The following ANO10 variants were observed in gnomAD, a reference collection of about 807,000 sequenced individuals.
ANO10 encodes anoctamin 10, also known as anoctamin-10.
Under a neutral mutation model 74.7 loss-of-function variants are expected in ANO10, and 77 were observed. The observed-to-expected ratio is 1.03, with a 90% CI of 0.86 to 1.25. The LOEUF is 1.25. ANO10 is among the 50% of genes most tolerant of loss of function. The pLI is 0.00. For synonymous variants in ANO10, 279 were observed against 284.9 expected (o/e 0.98, Z 0.21); for missense variants, 721 against 778.1 (o/e 0.93, Z 0.87).
chr3:43,446,390 T>G (rs372995799), intron 11 of ANO10, among the ~76,000 whole-genome samples: 1 of 152,344 alleles, frequency 6.6e-6, no homozygotes, highest in East Asian at 1.9e-4. Flanking sequence ...TAAAGCCAAC[T>G]GGCAAGTCTT....
At chr3:43,591,160 C>T (rs2081730430) in intron 4 of ANO10, among the ~76,000 whole-genome samples, 1 of 152,184 alleles carries the variant, frequency 6.6e-6, no homozygotes, top group Non-Finnish European at 1.5e-5. Flanking sequence ...TCCGTGTTTG[C>T]TCCGGCTCAA....
At chr3:43,536,560 C>T (rs2078718670) in intron 11 of ANO10, among the ~76,000 whole-genome samples, 1 of 152,096 alleles carries the variant, frequency 6.6e-6, no homozygotes, top group Non-Finnish European at 1.5e-5. Context: ...CTCTCATCAG[C>T]AAAACAATAC....
intron 2 of ANO10, among the ~76,000 whole-genome samples, chr3:43,603,507 A>C (rs2082426432): frequency 6.6e-6 from 1 of 151,988 alleles, no homozygotes; most frequent in African/African-American, 2.4e-5. Context: ...TATAGATGTT[A>C]TATCTTTTCG....
At chr3:43,603,186 G>A (rs954299668) in intron 2 of ANO10, among the ~76,000 whole-genome samples, 1 of 152,054 alleles carries the variant, frequency 6.6e-6, no homozygotes, top group Admixed American at 6.6e-5. Flanking sequence ...AAACCCCCAA[G>A]TTCTCTGCCA....
intron 1 of ANO10, among the ~76,000 whole-genome samples, chr3:43,661,891 C>T (rs1374925960): frequency 2.0e-5 from 3 of 152,266 alleles, no homozygotes; most frequent in Admixed American, 6.5e-5. Context: ...TACAGTTGCA[C>T]ACAGATTCAT....
In ANO10 at chr3:43,366,834, C is replaced by A. The variant is rs1485069866; in HGVS notation, c.*72G>T. The A allele has an allele frequency of 4.1e-6, 6 of 1,455,318 alleles. No individual in the cohort carries two copies. Among genetic ancestry groups the A allele is most frequent in the Non-Finnish European group, 5.7e-6 (6 of 1,060,818 alleles). 90.2% of individuals were successfully genotyped at this position (1,455,318 alleles called of 1,614,324 possible). A position where few individuals can be genotyped will look rare whatever the true frequency, so the allele number is the denominator to read the frequency against. On this transcript the variant is annotated 3_prime_UTR_variant, in exon 13 of 13. Coordinates refer to ENST00000292246, the MANE Select transcript of ANO10 (RefSeq NM_018075.5). Reference sequence around the variant, plus strand: ...GAGCCACGATGCTGCCCCGGGTACCCCCCCTGCCACCGTGGCAGGTGTGGC... The same window carrying A: ...GAGCCACGATGCTGCCCCGGGTACCACCCCTGCCACCGTGGCAGGTGTGGC...
chr3:43,598,456 G>T (rs1003189911), intron 4 of ANO10, 76 bp downstream of exon 4: 12 of 1,450,344 alleles, frequency 8.3e-6, no homozygotes, highest in African/African-American at 5.6e-5. Flanking sequence ...AAGTTCTTCT[G>T]TAAGAGGGAA....
intron 11 of ANO10, among the ~76,000 whole-genome samples, chr3:43,495,112 G>T (rs1281777471): frequency 1.3e-5 from 2 of 151,868 alleles, no homozygotes; most frequent in African/African-American, 4.8e-5. Flanking sequence ...AAAATAACGT[G>T]ATAAAAGTAG....
intron 11 of ANO10, among the ~76,000 whole-genome samples, chr3:43,534,487 C>T (rs187402838): frequency 5.9e-4 from 84 of 143,158 alleles, no homozygotes; most frequent in Admixed American, 1.5e-3. Flanking sequence ...AGAGAGAGCG[C>T]GCAAGAGAGA....
In ANO10 at chr3:43,467,321, C is replaced by T. The variant is rs139076434; in HGVS notation, c.1798-34594G>A. Reference sequence around the variant, plus strand: ...ATGTTCACTGCTGCCTCATTCATAACGGTAAAAATATGGAAACAACCCAAA... The same window carrying T: ...ATGTTCACTGCTGCCTCATTCATAATGGTAAAAATATGGAAACAACCCAAA... On this transcript the variant is annotated intron_variant, in intron 11 of 12. Coordinates refer to ENST00000292246, the MANE Select transcript of ANO10 (RefSeq NM_018075.5). Among the ~76,000 whole-genome samples the T allele has an allele frequency of 3.2e-3, 486 of 152,072 alleles. 4 individuals are homozygous for T. The highest frequency in any genetic ancestry group is 0.011 in the African/African-American group (459 of 41,452).
In ANO10 at chr3:43,561,140, A is replaced by T. The variant is rs2080011230; in HGVS notation, c.1476+80T>A. 4 of 1,471,674 alleles carry T rather than the reference A, an allele frequency of 2.7e-6. No individual in the cohort carries two copies. In the Admixed American group the frequency reaches 6.7e-5, roughly 25 times the overall value. The allele number at this position is 1,471,674 out of a possible 1,614,324, so 91.2% of individuals were successfully genotyped here. A position where few individuals can be genotyped will look rare whatever the true frequency, so the allele number is the denominator to read the frequency against. ...AGAATAGTCACATCTGAGATCATGAATGTATAACATTTGTTGAACTCAGTG... is the reference window on the plus strand; with the variant it reads ...AGAATAGTCACATCTGAGATCATGATTGTATAACATTTGTTGAACTCAGTG... On this transcript the variant is annotated intron_variant, in intron 9 of 12. Transcript: ENST00000292246.
At chr3:43,567,816 C>T (rs1007860763) in intron 7 of ANO10, among the ~76,000 whole-genome samples, 1 of 151,856 alleles carries the variant, frequency 6.6e-6, no homozygotes, top group African/African-American at 2.4e-5. Flanking sequence ...ATGACAGGAT[C>T]AAATTCACAC....
intron 11 of ANO10, among the ~76,000 whole-genome samples, chr3:43,486,153 T>C (rs1341061618): frequency 3.3e-5 from 5 of 152,172 alleles, no homozygotes; most frequent in African/African-American, 1.2e-4. Flanking sequence ...CTGACACCTT[T>C]ACAAGTCTGA....
At chr3:43,434,226 G>A (rs2093033588) in intron 11 of ANO10, among the ~76,000 whole-genome samples, 1 of 152,184 alleles carries the variant, frequency 6.6e-6, no homozygotes, top group Non-Finnish European at 1.5e-5. Flanking sequence ...AAATGTGACT[G>A]CCATGACCAA....
intron 12 of ANO10, among the ~76,000 whole-genome samples, chr3:43,386,708 G>A (rs1575626982): frequency 6.7e-6 from 1 of 149,934 alleles, no homozygotes; most frequent in Non-Finnish European, 1.5e-5. Flanking sequence ...AGCTACCTCT[G>A]GGAAGGAGGC....
chr3:43,572,296 C>T (rs749334812), intron 7 of ANO10, among the ~76,000 whole-genome samples: 1 of 152,192 alleles, frequency 6.6e-6, no homozygotes, highest in Non-Finnish European at 1.5e-5. Flanking sequence ...GGGCCTGGGA[C>T]TCCCCTGCTC....
At chr3:43,660,814 C>T (rs894682431) in intron 1 of ANO10, among the ~76,000 whole-genome samples, 1 of 152,060 alleles carries the variant, frequency 6.6e-6, no homozygotes, top group Non-Finnish European at 1.5e-5. Flanking sequence ...ATTAGCCGGG[C>T]GTGGTGGTGC....
intron 12 of ANO10, among the ~76,000 whole-genome samples, chr3:43,376,213 A>G (rs1269256649): frequency 1.3e-5 from 2 of 152,246 alleles, no homozygotes; most frequent in Non-Finnish European, 2.9e-5. Flanking sequence ...CAGGAACAAG[A>G]AAGGTTAAAA....
At chr3:43,691,072 T>G (rs761920953) in intron 1 of ANO10, 36 of 1,520,824 alleles carry the variant, frequency 2.4e-5, no homozygotes, top group Non-Finnish European at 3.1e-5. Flanking sequence ...TTCGTGTGTC[T>G]CCGGCGCGCA....
Sources: allele counts gnomAD v4.1 joint callset (sites outside exome capture counted in the v4.1 genomes callset), GRCh38; gene constraint gnomAD v4.1.1; transcripts MANE v1.5; gene names NCBI Gene and HGNC (gene_info 2026-07-23, HGNC 2026-07-21).